Variants in RABGAP1L observed in about 807,000 individuals in gnomAD.
RABGAP1L encodes the protein rab GTPase-activating protein 1-like.
RABGAP1L carries 63 observed loss-of-function variants against 137.7 expected under a neutral mutation model. The observed-to-expected ratio is 0.46, with a 90% CI of 0.37 to 0.56. The LOEUF is 0.56. Ranked by LOEUF, RABGAP1L falls within the 20% of genes least tolerant of loss-of-function variation. The pLI is 0.00. For synonymous variants in RABGAP1L, 431 were observed against 433.7 expected (o/e 0.99, Z 0.08); for missense variants, 1,095 against 1,244.0 (o/e 0.88, Z 1.80).
intron 5 of RABGAP1L, among the ~76,000 whole-genome samples, chr1:174,249,457 G>T (rs1419648213): frequency 1.3e-5 from 2 of 152,014 alleles, no homozygotes; most frequent in Non-Finnish European, 2.9e-5. Context: ...AATTATCTTA[G>T]GATACATTCA....
At chr1:174,502,329 GC>G (rs1376978043) in intron 13 of RABGAP1L, among the ~76,000 whole-genome samples, 1 of 151,390 alleles carries the variant, frequency 6.6e-6, no homozygotes, top group African/African-American at 2.4e-5. Context: ...CAAAGAGCTG[GC>G]CAGGTCACTA....
At chr1:174,704,062 A>G (rs1198993468) in intron 17 of RABGAP1L, among the ~76,000 whole-genome samples, 1 of 152,118 alleles carries the variant, frequency 6.6e-6, no homozygotes, top group Admixed American at 6.5e-5. Context: ...CAGTGGCATG[A>G]TCTCAGCTCA....
intron 13 of RABGAP1L, among the ~76,000 whole-genome samples, chr1:174,634,779 A>T (rs1006912667): frequency 1.4e-5 from 2 of 146,470 alleles, no homozygotes; most frequent in Non-Finnish European, 3.0e-5. Context: ...AAACTATTGC[A>T]AGAACAAAAA....
chr1:174,714,283 G>A (rs745856297), intron 17 of RABGAP1L, among the ~76,000 whole-genome samples: 2 of 152,078 alleles, frequency 1.3e-5, no homozygotes, highest in Non-Finnish European at 2.9e-5. Flanking sequence ...TTCTTAAATG[G>A]ATACATCCTT....
chr1:174,907,966 G>A (rs904937686), intron 19 of RABGAP1L, among the ~76,000 whole-genome samples: 1 of 152,202 alleles, frequency 6.6e-6, no homozygotes, highest in Non-Finnish European at 1.5e-5. Flanking sequence ...ATGTGAAGGG[G>A]TTGGGAAAAT....
rs541604039 is a variant in RABGAP1L, at chr1:174,698,439, G to T, written c.1900-1086G>T. ...AGCAACATCAAGAAAACGCAGGGAGGATAGTCTCACGCTATTTACCAAAAT... is the reference window on the plus strand; with the variant it reads ...AGCAACATCAAGAAAACGCAGGGAGTATAGTCTCACGCTATTTACCAAAAT... On this transcript the variant is annotated intron_variant, in intron 15 of 25. Coordinates refer to ENST00000681986, the MANE Select transcript of RABGAP1L (RefSeq NM_001366446.1). 1.0e-3 allele frequency among the ~76,000 whole-genome samples: 158 copies of T among 152,230 alleles called. 1 individual carries two copies. Among genetic ancestry groups the T allele is most frequent in the Admixed American group, 3.1e-3 (47 of 15,298 alleles).
chr1:174,852,611 C>T (rs1373184940), intron 19 of RABGAP1L, among the ~76,000 whole-genome samples: 6 of 151,992 alleles, frequency 3.9e-5, no homozygotes, highest in Non-Finnish European at 7.4e-5. Flanking sequence ...GCCAGGAGTT[C>T]GAGACCAGCC....
chr1:174,303,100 A>G (rs953421702), intron 10 of RABGAP1L, among the ~76,000 whole-genome samples: 11 of 151,774 alleles, frequency 7.2e-5, no homozygotes, highest in African/African-American at 2.4e-4. Flanking sequence ...TCACCTCTGC[A>G]GAGGTAAATA....
chr1:174,281,030 T>C (rs1675481913), intron 10 of RABGAP1L, among the ~76,000 whole-genome samples: 1 of 152,120 alleles, frequency 6.6e-6, no homozygotes, highest in South Asian at 2.1e-4. Flanking sequence ...TGTTTGATCC[T>C]CCCGGTGGGT....
intron 19 of RABGAP1L, chr1:174,922,587 G>T (rs531604009): frequency 6.6e-6 from 1 of 152,344 alleles, no homozygotes; most frequent in East Asian, 1.9e-4. Context: ...TATTGGAAGA[G>T]AAATGTTTCT....
chr1:174,469,840 A>C (rs1226460804), intron 13 of RABGAP1L, among the ~76,000 whole-genome samples: 2 of 152,184 alleles, frequency 1.3e-5, no homozygotes, highest in Non-Finnish European at 2.9e-5. Flanking sequence ...TCCTGACAAC[A>C]TCCCAGGAAA....
chr1:174,804,618 C>T (rs1051894939), intron 18 of RABGAP1L, among the ~76,000 whole-genome samples: 32 of 151,986 alleles, frequency 2.1e-4, no homozygotes, highest in Admixed American at 9.8e-4. Flanking sequence ...CGGCCTCCCT[C>T]GGGATTTTTA....
At chr1:174,841,177 C>T (rs1481027926) in intron 19 of RABGAP1L, among the ~76,000 whole-genome samples, 1 of 152,082 alleles carries the variant, frequency 6.6e-6, no homozygotes, top group Non-Finnish European at 1.5e-5. Context: ...GATTGTCAAG[C>T]TTTGTATCCT....
chr1:174,908,400 C>T (rs1006666854), intron 19 of RABGAP1L, among the ~76,000 whole-genome samples: 7 of 152,234 alleles, frequency 4.6e-5, no homozygotes, highest in Admixed American at 6.5e-5. Context: ...TATCTTAGAC[C>T]ACAAAACAAA....
intron 13 of RABGAP1L, among the ~76,000 whole-genome samples, chr1:174,590,031 A>T (rs894990420): frequency 6.6e-6 from 1 of 151,592 alleles, no homozygotes; most frequent in Non-Finnish European, 1.5e-5. Context: ...ATTACACTGA[A>T]TCTGCACATT....
intron 13 of RABGAP1L, among the ~76,000 whole-genome samples, chr1:174,428,347 G>A (rs890052828): frequency 6.6e-6 from 1 of 152,126 alleles, no homozygotes; most frequent in Non-Finnish European, 1.5e-5. Flanking sequence ...AGGTATGGGG[G>A]AAGTGTAGAG....
intron 11 of RABGAP1L, among the ~76,000 whole-genome samples, chr1:174,333,289 A>G (rs1218442202): frequency 6.6e-6 from 1 of 152,190 alleles, no homozygotes; most frequent in Non-Finnish European, 1.5e-5. Context: ...AACGCATCGG[A>G]TATTTCACAT....
Position 174,542,695 on chromosome 1 carries a change from A to G in RABGAP1L, c.1711-94680A>G, listed in dbSNP as rs188099388. Among the ~76,000 whole-genome samples, 15 of 152,186 alleles carry G rather than the reference A, an allele frequency of 9.9e-5. No individual in the cohort carries two copies. In the East Asian group the frequency reaches 1.9e-3, roughly 20 times the overall value. ...TTTTAATTGTGATGTTAGGGTGTCA[A>G]TTTTAGATCTTTCCTGTTTACTCTT... is the stretch of plus-strand genomic sequence containing the variant. On this transcript the variant is annotated intron_variant, in intron 13 of 25. Coordinates refer to ENST00000681986, the MANE Select transcript of RABGAP1L (RefSeq NM_001366446.1).
chr1:174,451,227 G>C (rs181621794), intron 13 of RABGAP1L, among the ~76,000 whole-genome samples: 7 of 152,188 alleles, frequency 4.6e-5, no homozygotes, highest in Admixed American at 3.9e-4. Flanking sequence ...GTTCAAGGAA[G>C]TGTACTGCTA....
Sources: allele counts gnomAD v4.1 joint callset (sites outside exome capture counted in the v4.1 genomes callset), GRCh38; gene constraint gnomAD v4.1.1; transcripts MANE v1.5; gene names NCBI Gene and HGNC (gene_info 2026-07-23, HGNC 2026-07-21).